GDNF: variants seen among roughly 807,000 people sequenced by gnomAD.
GDNF encodes the protein glial cell line-derived neurotrophic factor.
Under a neutral mutation model 13.7 loss-of-function variants are expected in GDNF, and 5 were observed. That is an observed-to-expected ratio of 0.36 (90% confidence interval 0.19 to 0.77). The LOEUF (loss-of-function observed/expected upper bound fraction) is 0.77. Among genes scored for constraint, GDNF ranks in the 30% least tolerant of loss-of-function variants. GDNF has a pLI of 0.51. For synonymous variants in GDNF, 122 were observed against 112.5 expected, an observed-to-expected ratio of 1.08 and a Z score of -0.53; for missense variants, 246 against 274.3, an observed-to-expected ratio of 0.90 and a Z score of 0.73.
intron 1 of GDNF, chr5:37,835,694 G>A (rs1189336985): frequency 2.6e-6 from 4 of 1,542,182 alleles, no homozygotes; most frequent in Non-Finnish European, 3.5e-6. Flanking sequence ...TGGTATACCC[G>A]AAAACCCTCT....
rs1480928476 is a variant in GDNF at position 37,834,691 on chromosome 5, G to C, written c.106C>G (p.Arg36Gly). Residue 36 changes from arginine to glycine, a missense_variant, in exon 2 of 3, where the codon CGC becomes GGC. Transcript: ENST00000326524. The stretch of plus-strand genomic sequence containing the variant: ...GGCGCGCGGCGGCGGCCGAGGGAGC[G>C]GTCTTCGGCGGGCGCCTCGGGAGGC... ...KRPPEAPAEDRSLGRRRAPFA... is the reference protein window; with the variant it reads ...KRPPEAPAEDGSLGRRRAPFA... The C allele has an allele frequency of 2.5e-6, 4 of 1,608,724 alleles. No homozygotes were observed. The East Asian group carries it at 9.0e-5, about 36-fold the overall frequency.
chr5:37,831,447 A>G (rs1406436709), intron 2 of GDNF, among the ~76,000 whole-genome samples: 8 of 152,360 alleles, frequency 5.3e-5, no homozygotes, highest in African/African-American at 1.9e-4. Context: ...TTATGCTTTT[A>G]CTTATTAAAT....
rs143869527 is a variant in GDNF, at chr5:37,822,397, T to C, written c.152-6262A>G. Among the ~76,000 whole-genome samples the C allele has an allele frequency of 2.2e-3, 332 of 152,246 alleles. 1 individual carries two copies. Among genetic ancestry groups the C allele is most frequent in the African/African-American group, 7.6e-3 (316 of 41,546 alleles). ...GAAGGGTGAGGGCTAATGGGACCCA[T>C]AGGGGTGAGCTGCTGCCTGAGCCAA... On this transcript the variant is annotated intron_variant, in intron 2 of 2. Transcript: ENST00000326524.
At chr5:37,826,107 G>A (rs1180047583) in intron 2 of GDNF, among the ~76,000 whole-genome samples, 1 of 152,122 alleles carries the variant, frequency 6.6e-6, no homozygotes, top group African/African-American at 2.4e-5. Context: ...TGTGAGTGCT[G>A]GACTCAGGCT....
rs765289415 is a variant in GDNF, at chr5:37,834,697, C to T, written c.100G>A (p.Glu34Lys). 2.1e-5 allele frequency: 33 copies of T among 1,609,576 alleles called. No individual in the cohort carries two copies. In the South Asian group the frequency reaches 3.6e-4, roughly 18 times the overall value. The change falls in exon 2 of 3, where the codon GAA becomes AAA. Residue 34 changes from glutamate (E) to lysine (K), a missense_variant. Glu to Lys is a moderately conservative substitution (Grantham distance 56). Coordinates refer to ENST00000326524, the MANE Select transcript of GDNF (RefSeq NM_000514.4). Reference sequence around the variant, plus strand: ...CGGCGGCGGCCGAGGGAGCGGTCTTCGGCGGGCGCCTCGGGAGGCCTCTTA... The same window carrying T: ...CGGCGGCGGCCGAGGGAGCGGTCTTTGGCGGGCGCCTCGGGAGGCCTCTTA... Reference protein sequence around the residue: ...AGKRPPEAPAEDRSLGRRRAP... With the variant: ...AGKRPPEAPAKDRSLGRRRAP...
At chr5:37,822,136 C>G (rs191612593) in intron 2 of GDNF, among the ~76,000 whole-genome samples, 1 of 152,274 alleles carries the variant, frequency 6.6e-6, no homozygotes, top group East Asian at 1.9e-4. Context: ...GAGGACACAA[C>G]TCCTTATCCA....
At chr5:37,830,680 A>G (rs751136237) in intron 2 of GDNF, among the ~76,000 whole-genome samples, 2 of 152,216 alleles carry the variant, frequency 1.3e-5, no homozygotes, top group African/African-American at 2.4e-5. Context: ...AATGACAACT[A>G]TGATCCCTAT....
chr5:37,816,744 A>G (rs1749944213), intron 2 of GDNF, among the ~76,000 whole-genome samples: 1 of 152,166 alleles, frequency 6.6e-6, no homozygotes, highest in African/African-American at 2.4e-5. Flanking sequence ...GGCTACCTTC[A>G]TCTGGAATAC....
chr5:37,833,044 T>A (rs1251987478), intron 2 of GDNF, among the ~76,000 whole-genome samples: 1 of 152,152 alleles, frequency 6.6e-6, no homozygotes, highest in Non-Finnish European at 1.5e-5. Flanking sequence ...AGTCACAGAG[T>A]TAGTTGAAAG....
chr5:37,837,091 T>A lies in GDNF; in HGVS notation c.-26-2269A>T, dbSNP rs902516737. ...GTCCGAGGGGCTCTTTCGTTCTCGG[T>A]ATTTGCTGGGCGGGGGAAAAGGGGG... On this transcript the variant is annotated intron_variant, in intron 1 of 2. Transcript: ENST00000326524. This position sits in a 1 kb window ranked among gnomAD's most constrained non-coding sequence, Gnocchi z 6.5. Among the ~76,000 whole-genome samples, 1 of 151,758 alleles carries A rather than the reference T, an allele frequency of 6.6e-6. No homozygotes were observed. The highest frequency in any genetic ancestry group is 1.5e-5 in the Non-Finnish European group (1 of 67,932).
At chr5:37,833,436 A>C (rs532910695) in intron 2 of GDNF, among the ~76,000 whole-genome samples, 17 of 152,362 alleles carry the variant, frequency 1.1e-4, no homozygotes, top group African/African-American at 3.1e-4. Context: ...TTCCTTTTGA[A>C]GTCTTAATTT....
chr5:37,828,129 A>C (rs1004956523), intron 2 of GDNF, among the ~76,000 whole-genome samples: 1 of 152,140 alleles, frequency 6.6e-6, no homozygotes, highest in Non-Finnish European at 1.5e-5. Flanking sequence ...TCGCTCTGGC[A>C]CTCGTGCAGT....
rs1750736138 is a variant in GDNF at position 37,837,161 on chromosome 5, TC to T, written c.-26-2340del. 6.6e-6 allele frequency among the ~76,000 whole-genome samples: 1 copy of T among 152,208 alleles called. No homozygotes were observed. The highest frequency in any genetic ancestry group is 6.5e-5 in the Admixed American group (1 of 15,294). ...CACACAGCGTCTACTAGGACGTTTT[TC>T]TTAGAGTCCGTGTGGGCTCCACCCC... On this transcript the variant is annotated intron_variant, in intron 1 of 2. Coordinates refer to ENST00000326524, the MANE Select transcript of GDNF (RefSeq NM_000514.4). This position sits in a 1 kb window ranked among gnomAD's most constrained non-coding sequence, Gnocchi z 6.5.
intron 2 of GDNF, among the ~76,000 whole-genome samples, chr5:37,825,850 T>C (rs1750295099): frequency 6.6e-6 from 1 of 152,202 alleles, no homozygotes; most frequent in Admixed American, 6.5e-5. Context: ...ATCTTCTTTA[T>C]CATTTGAATT....
intron 2 of GDNF, chr5:37,823,331 G>C (rs1377021225): frequency 6.6e-6 from 1 of 152,230 alleles, no homozygotes; most frequent in Non-Finnish European, 1.5e-5. Context: ...ACGAGAGCAA[G>C]ACATGCTGGT....
chr5:37,817,143 G>A (rs1429268826), intron 2 of GDNF, among the ~76,000 whole-genome samples: 4 of 152,212 alleles, frequency 2.6e-5, no homozygotes, highest in Non-Finnish European at 4.4e-5. Context: ...TCACATGGAG[G>A]AAGGATGCAG....
intron 2 of GDNF, among the ~76,000 whole-genome samples, chr5:37,822,539 G>A (rs1045635903): frequency 6.6e-6 from 1 of 152,202 alleles, no homozygotes; most frequent in Admixed American, 6.5e-5. Flanking sequence ...GGCTGCCGAG[G>A]TGCGGTGCCA....
At chr5:37,835,142 T>G (rs1020232808) in intron 1 of GDNF, among the ~76,000 whole-genome samples, 2 of 134,324 alleles carry the variant, frequency 1.5e-5, no homozygotes, top group African/African-American at 5.7e-5. Context: ...CCACGATTCC[T>G]GTCCAGTCCC....
At chr5:37,831,307 C>T (rs1435806259) in intron 2 of GDNF, among the ~76,000 whole-genome samples, 1 of 152,184 alleles carries the variant, frequency 6.6e-6, no homozygotes, top group Non-Finnish European at 1.5e-5. Context: ...AGGGCAGCGA[C>T]TTTTGTTTAT....
Sources: gnomAD v4.1 joint callset for allele counts (sites outside exome capture counted in the v4.1 genomes callset) on GRCh38, gnomAD v4.1.1 for gene constraint, Gnocchi (gnomAD v3.1) non-coding constraint, MANE v1.5 for transcripts, NCBI Gene and HGNC (gene_info 2026-07-23, HGNC 2026-07-21) for gene names.